UGT1A7: variants seen among roughly 807,000 people sequenced by gnomAD.
UGT1A7 encodes UDP-glucuronosyltransferase 1A7.
In UGT1A7, 33 loss-of-function variants were observed where a neutral mutation model predicts 45.6. The observed-to-expected ratio is 0.72, with a 90% CI of 0.55 to 0.97. The LOEUF is 0.97. UGT1A7 is among the 50% of genes least tolerant of loss of function. The pLI is 0.00. For synonymous variants in UGT1A7, 274 were observed against 250.6 expected (o/e 1.09, Z -0.88); for missense variants, 684 against 666.2 (o/e 1.03, Z -0.29).
At chr2:233,690,961 G>C in intron 1 of UGT1A7, 1 of 1,007,322 alleles carries the variant, frequency 9.9e-7, no homozygotes, top group Non-Finnish European at 1.2e-6. Context: ...AGGGACTTCT[G>C]GGACTAAGAA....
At chr2:233,724,012 T>G (rs1202631633) in intron 1 of UGT1A7, among the ~76,000 whole-genome samples, 1 of 75,726 alleles carries the variant, frequency 1.3e-5, no homozygotes, top group East Asian at 3.2e-4. Context: ...AAGCCGCCAT[T>G]GTCATCCTGG....
At position 233,767,890 on chromosome 2, in the gene UGT1A7, G is replaced by C; in HGVS notation, c.1029G>C (p.Ala343=). The C allele has an allele frequency of 6.2e-7, 1 of 1,614,096 alleles. No individual in the cohort carries two copies. The highest frequency in any genetic ancestry group is 8.5e-7 in the Non-Finnish European group (1 of 1,180,038). Residue 343 remains alanine (A), a synonymous_variant, in exon 3 of 5, where the codon GCG becomes GCC. Coordinates refer to ENST00000373426, the MANE Select transcript of UGT1A7 (RefSeq NM_019077.3). The part of the protein sequence containing the change: ...RYTGTRPSNL[A]NNTILVKWLP... ...CTGGAACCCGACCATCGAATCTTGCGAACAACACGATACTTGTTAAGTGGC... is the reference window on the plus strand; with the variant it reads ...CTGGAACCCGACCATCGAATCTTGCCAACAACACGATACTTGTTAAGTGGC...
rs2074581601 is a variant in UGT1A7 at position 233,682,487 on chromosome 2, C to T, written c.550C>T (p.Pro184Ser). Residue 184 changes from proline (P) to serine (S), a missense_variant, in exon 1 of 5, where the codon CCT (proline) becomes TCT (serine). Pro to Ser is a moderately conservative substitution (Grantham distance 74). Transcript: ENST00000373426. ...CHYLEEGAQC[P>S]APLSYVPRLL... ...CTATCTTGAAGAAGGTGCACAGTGC[C>T]CTGCTCCTCTTTCCTATGTCCCCAG... 3.1e-6 allele frequency: 5 copies of T among 1,613,782 alleles called. No homozygotes were observed. In the South Asian group the frequency reaches 4.4e-5, roughly 14 times the overall value.
At chr2:233,704,381 T>C (rs1381509965) in intron 1 of UGT1A7, among the ~76,000 whole-genome samples, 1 of 152,038 alleles carries the variant, frequency 6.6e-6, no homozygotes, top group African/African-American at 2.4e-5. Flanking sequence ...AGCACATCGA[T>C]TTTAACTTAC....
Position 233,700,676 on chromosome 2 carries a change from G to A in UGT1A7, c.855+17884G>A, listed in dbSNP as rs559449126. On this transcript the variant is annotated intron_variant, in intron 1 of 4. Transcript: ENST00000373426. ...TATTTCTACTTTTCAGCACAAATTC[G>A]TGATAATATATAAACTACACTTTGA... is the stretch of plus-strand genomic sequence containing the variant. Among the ~76,000 whole-genome samples the A allele has an allele frequency of 6.6e-5, 10 of 151,838 alleles. 1 individual carries two copies. In the South Asian group the frequency reaches 1.7e-3, roughly 25 times the overall value.
intron 1 of UGT1A7, among the ~76,000 whole-genome samples, chr2:233,722,436 A>T (rs984316554): frequency 6.6e-5 from 10 of 152,092 alleles, no homozygotes; most frequent in African/African-American, 2.4e-4. Flanking sequence ...GAATTATTTG[A>T]TTGGTCTTCT....
chr2:233,704,977 A>G (rs1323629686), intron 1 of UGT1A7, among the ~76,000 whole-genome samples: 2 of 152,082 alleles, frequency 1.3e-5, no homozygotes, highest in Non-Finnish European at 1.5e-5. Context: ...CTCTACTTAA[A>G]ATACAGAAAT....
At chr2:233,724,876 G>A (rs1425686666) in intron 1 of UGT1A7, among the ~76,000 whole-genome samples, 5 of 132,730 alleles carry the variant, frequency 3.8e-5, no homozygotes, top group South Asian at 5.6e-4. Context: ...GTAGTGAGCG[G>A]AGATCACGCC....
intron 1 of UGT1A7, among the ~76,000 whole-genome samples, chr2:233,705,632 T>C (rs2075861807): frequency 6.6e-6 from 1 of 152,224 alleles, no homozygotes; most frequent in East Asian, 1.9e-4. Flanking sequence ...TTGACAGTTC[T>C]AGGAAGTTGA....
rs746090346 is a variant in UGT1A7, at chr2:233,743,531, A to T, written c.856-23503A>T. 6 of 1,367,280 alleles carry T rather than the reference A, an allele frequency of 4.4e-6. No individual in the cohort carries two copies. The highest frequency in any genetic ancestry group is 5.9e-6 in the Non-Finnish European group (6 of 1,021,864). 84.7% of individuals were successfully genotyped at this position (1,367,280 alleles called of 1,614,324 possible). A position where few individuals can be genotyped will look rare whatever the true frequency, so the allele number is the denominator to read the frequency against. Reference sequence around the variant, plus strand: ...GACGCTCTGCTTCTGCTTCCCCAGCAGTTCCTCTGACCCCCCCAAAATATT... The same window carrying T: ...GACGCTCTGCTTCTGCTTCCCCAGCTGTTCCTCTGACCCCCCCAAAATATT... On this transcript the variant is annotated intron_variant, in intron 1 of 4. Transcript: ENST00000373426.
intron 1 of UGT1A7, among the ~76,000 whole-genome samples, chr2:233,732,527 T>G (rs920037607): frequency 6.6e-6 from 1 of 152,244 alleles, no homozygotes; most frequent in African/African-American, 2.4e-5. Context: ...TTTCTACATA[T>G]GGCCAGTTTT....
intron 1 of UGT1A7, among the ~76,000 whole-genome samples, chr2:233,750,418 A>G (rs1270471550): frequency 3.3e-5 from 5 of 151,986 alleles, no homozygotes; most frequent in East Asian, 1.9e-4. Context: ...GTGGTAGAAA[A>G]GAAAAACCCA....
chr2:233,699,401 A>C (rs1224961959), intron 1 of UGT1A7, among the ~76,000 whole-genome samples: 1 of 152,198 alleles, frequency 6.6e-6, no homozygotes, highest in African/African-American at 2.4e-5. Context: ...TTAGAAGAGA[A>C]TTTAGCTTTG....
intron 1 of UGT1A7, among the ~76,000 whole-genome samples, chr2:233,731,510 C>T (rs1236819305): frequency 6.6e-6 from 1 of 152,156 alleles, no homozygotes; most frequent in African/African-American, 2.4e-5. Context: ...GTTCAGTTCC[C>T]ACCTATGAGT....
At chr2:233,718,069 G>T in intron 1 of UGT1A7, 1 of 347,944 alleles carries the variant, frequency 2.9e-6, no homozygotes, top group South Asian at 2.3e-5. Flanking sequence ...GTGGGTCCTT[G>T]CTAGGGTTGT....
intron 1 of UGT1A7, chr2:233,729,374 C>T (rs143192251): frequency 1.1e-5 from 17 of 1,613,890 alleles, no homozygotes; most frequent in Non-Finnish European, 5.1e-6. Context: ...TATGCCATTT[C>T]GTGGACCCAG....
At position 233,772,394 on chromosome 2, in the gene UGT1A7, C is replaced by T. The variant is rs369610863; in HGVS notation, c.1428C>T (p.His476=). Reference sequence around the variant, plus strand: ...CGCCACACCTGCGCCCCGCAGCCCACGACCTCACCTGGTACCAGTACCATT... The same window carrying T: ...CGCCACACCTGCGCCCCGCAGCCCATGACCTCACCTGGTACCAGTACCATT... ...KGAPHLRPAA[H]DLTWYQYHSL... The change falls in exon 5 of 5, where the codon CAC becomes CAT. Residue 476 remains histidine, a synonymous_variant. Coordinates refer to ENST00000373426, the MANE Select transcript of UGT1A7 (RefSeq NM_019077.3). 1.2e-5 allele frequency: 19 copies of T among 1,614,144 alleles called. No homozygotes were observed. The highest frequency in any genetic ancestry group is 1.2e-4 in the Admixed American group (7 of 60,014).
chr2:233,741,489 A>G (rs1390991788), intron 1 of UGT1A7: 2 of 151,928 alleles, frequency 1.3e-5, no homozygotes, highest in African/African-American at 4.9e-5. Flanking sequence ...TCTGATGTAC[A>G]AAAAACTGAA....
At chr2:233,715,903 T>C (rs995195646) in intron 1 of UGT1A7, among the ~76,000 whole-genome samples, 1 of 152,162 alleles carries the variant, frequency 6.6e-6, no homozygotes, top group Non-Finnish European at 1.5e-5. Context: ...GAGGCTCAGG[T>C]GGGAGGATCA....
Sources: gnomAD v4.1 joint callset for allele counts (sites outside exome capture counted in the v4.1 genomes callset) on GRCh38, gnomAD v4.1.1 for gene constraint, MANE v1.5 for transcripts, NCBI Gene and HGNC (gene_info 2026-07-23, HGNC 2026-07-21) for gene names.